The following TAFA2 variants were observed in gnomAD, a reference collection of about 807,000 sequenced individuals.
The protein encoded by TAFA2 is chemokine-like protein TAFA-2.
A neutral mutation model predicts 18.8 loss-of-function variants in TAFA2; 7 were observed. The ratio of observed to expected loss-of-function variants is 0.37; its 90% confidence interval spans 0.21 to 0.70. The LOEUF is 0.70. TAFA2 is among the 30% of genes least tolerant of loss of function. The probability of loss-of-function intolerance (pLI) is 0.53; values close to 1 mark genes in which losing one functional copy is unlikely to be tolerated. For missense variants in TAFA2, 122 were observed against 158.1 expected (o/e 0.77, Z 1.23); for synonymous variants, 60 against 54.2 (o/e 1.11, Z -0.47).
chr12:61,936,929 T>A (rs1877793424), intron 1 of TAFA2, among the ~76,000 whole-genome samples: 1 of 152,068 alleles, frequency 6.6e-6, no homozygotes, highest in South Asian at 2.1e-4. Context: ...TAAAGACTCC[T>A]CCAAATGACT....
At chr12:61,907,195 C>T (rs146426682) in intron 1 of TAFA2, among the ~76,000 whole-genome samples, 31 of 152,280 alleles carry the variant, frequency 2.0e-4, no homozygotes, top group East Asian at 1.2e-3. Context: ...AAAATGTCTC[C>T]GGGACATGTC....
At chr12:62,062,540 C>T (rs1162524689) in intron 1 of TAFA2, among the ~76,000 whole-genome samples, 1 of 152,194 alleles carries the variant, frequency 6.6e-6, no homozygotes, top group African/African-American at 2.4e-5. Flanking sequence ...ATCCCACTAC[C>T]TCCTTGTCTT....
At chr12:62,136,771 T>C (rs1335213565) in intron 1 of TAFA2, among the ~76,000 whole-genome samples, 1 of 152,162 alleles carries the variant, frequency 6.6e-6, no homozygotes, top group Non-Finnish European at 1.5e-5. Flanking sequence ...TTCTCTCGCA[T>C]GCAGAGAGTG....
At chr12:62,021,716 T>C (rs1327209334) in intron 1 of TAFA2, 6 of 1,511,364 alleles carry the variant, frequency 4.0e-6, no homozygotes, top group Non-Finnish European at 3.7e-6. Context: ...TCTTACCAGT[T>C]GGGTCCCAAG....
chr12:61,983,328 A>G (rs1879702734), intron 1 of TAFA2, among the ~76,000 whole-genome samples: 1 of 152,202 alleles, frequency 6.6e-6, no homozygotes, highest in Admixed American at 6.5e-5. Context: ...TATTATCACC[A>G]AACAATATAA....
intron 2 of TAFA2, among the ~76,000 whole-genome samples, chr12:61,785,964 G>C (rs1870720283): frequency 6.6e-6 from 1 of 151,608 alleles, no homozygotes. Flanking sequence ...TGAGGAGATA[G>C]AGCTGTGAGT....
intron 2 of TAFA2, among the ~76,000 whole-genome samples, chr12:61,859,397 G>A (rs1410130710): frequency 6.6e-6 from 1 of 152,158 alleles, no homozygotes; most frequent in African/African-American, 2.4e-5. Flanking sequence ...TTTGGGTGGG[G>A]ACACAGAGCC....
chr12:61,873,275 AG>A (rs1434280326), intron 1 of TAFA2, among the ~76,000 whole-genome samples: 1 of 147,570 alleles, frequency 6.8e-6, no homozygotes, highest in Non-Finnish European at 1.5e-5. Context: ...CTTTTTTTTG[AG>A]GTTGCACAAG....
chr12:62,127,870 C>G (rs1464000485), intron 1 of TAFA2, among the ~76,000 whole-genome samples: 1 of 151,976 alleles, frequency 6.6e-6, no homozygotes, highest in Non-Finnish European at 1.5e-5. Flanking sequence ...ATACCAAGTA[C>G]ATAGTAAGTA....
At chr12:61,858,483 T>G (rs987268857) in intron 2 of TAFA2, among the ~76,000 whole-genome samples, 2 of 152,118 alleles carry the variant, frequency 1.3e-5, no homozygotes, top group Non-Finnish European at 2.9e-5. Flanking sequence ...TACATGTGTG[T>G]GGCAATTCCT....
intron 1 of TAFA2, among the ~76,000 whole-genome samples, chr12:61,913,836 G>A (rs761162442): frequency 3.9e-5 from 6 of 152,272 alleles, no homozygotes; most frequent in Middle Eastern, 3.4e-3. Flanking sequence ...TCAGACGACA[G>A]GAGACACTGG....
intron 1 of TAFA2, among the ~76,000 whole-genome samples, chr12:61,912,013 C>A (rs763336791): frequency 6.6e-6 from 1 of 152,198 alleles, no homozygotes; most frequent in African/African-American, 2.4e-5. Context: ...CCAGTGGAAC[C>A]TAATGATACT....
intron 1 of TAFA2, among the ~76,000 whole-genome samples, chr12:62,090,975 G>A (rs951035719): frequency 8.5e-5 from 13 of 152,100 alleles, no homozygotes; most frequent in African/African-American, 3.1e-4. Flanking sequence ...ATTTTCCATT[G>A]TTTTGCCACT....
chr12:62,035,354 G>T (rs931551923), intron 1 of TAFA2, among the ~76,000 whole-genome samples: 3 of 152,156 alleles, frequency 2.0e-5, no homozygotes, highest in African/African-American at 7.2e-5. Context: ...TATTTAATTA[G>T]AATTGTTAAT....
chr12:61,940,955 T>C (rs1877979872), intron 1 of TAFA2, among the ~76,000 whole-genome samples: 2 of 152,222 alleles, frequency 1.3e-5, no homozygotes, highest in Non-Finnish European at 2.9e-5. Flanking sequence ...ATGTGGCTAC[T>C]GAATACTTGA....
chr12:61,750,883 T>G (rs1269280591), intron 4 of TAFA2, among the ~76,000 whole-genome samples: 1 of 152,166 alleles, frequency 6.6e-6, no homozygotes, highest in East Asian at 1.9e-4. Flanking sequence ...TGAGTTATTT[T>G]GTAACCTATT....
intron 1 of TAFA2, among the ~76,000 whole-genome samples, chr12:62,024,061 C>T (rs941082059): frequency 1.5e-4 from 23 of 152,114 alleles, no homozygotes; most frequent in African/African-American, 5.6e-4. Flanking sequence ...CTTGAAAACA[C>T]TCTTTGTTCC....
chr12:61,721,003 TACA>T, intron 4 of TAFA2: 1 of 494,892 alleles, frequency 2.0e-6, no homozygotes, highest in Non-Finnish European at 4.0e-6. Context: ...AAGGGGACAT[TACA>T]ACAAGCATAA....
At chr12:61,856,792 C>T (rs1305910405) in intron 2 of TAFA2, among the ~76,000 whole-genome samples, 2 of 151,694 alleles carry the variant, frequency 1.3e-5, no homozygotes, top group African/African-American at 4.8e-5. Flanking sequence ...AGTAAATAAA[C>T]AGATATGGGG....
Sources: gnomAD v4.1 joint callset for allele counts (sites outside exome capture counted in the v4.1 genomes callset) on GRCh38, gnomAD v4.1.1 for gene constraint, MANE v1.5 for transcripts, NCBI Gene and HGNC (gene_info 2026-07-23, HGNC 2026-07-21) for gene names.